RSRC1: variants seen among roughly 807,000 people sequenced by gnomAD.
The protein encoded by RSRC1 is arginine and serine rich coiled-coil 1.
Under a neutral mutation model 49.1 loss-of-function variants are expected in RSRC1, and 39 were observed. The observed-to-expected ratio is 0.79, with a 90% CI of 0.61 to 1.04. The LOEUF is 1.04. Ranked by LOEUF, RSRC1 falls within the 50% of genes least tolerant of loss-of-function variation. RSRC1 has a pLI of 0.00. For missense variants in RSRC1, 388 were observed against 402.4 expected, an observed-to-expected ratio of 0.96 and a Z score of 0.31; for synonymous variants, 143 against 130.8, an observed-to-expected ratio of 1.09 and a Z score of -0.63.
At chr3:158,167,549 T>C (rs1292075785) in intron 3 of RSRC1, among the ~76,000 whole-genome samples, 2 of 152,196 alleles carry the variant, frequency 1.3e-5, no homozygotes, top group African/African-American at 4.8e-5. Context: ...GTGAGGCACT[T>C]ATTGCTAAAC....
At chr3:158,112,532 C>T (rs977039363) in intron 1 of RSRC1, among the ~76,000 whole-genome samples, 1 of 152,036 alleles carries the variant, frequency 6.6e-6, no homozygotes, top group African/African-American at 2.4e-5. Context: ...ATATGGTGAC[C>T]TTTTGCTTTC....
At position 158,283,261 on chromosome 3, in the gene RSRC1, T is replaced by C. The variant is rs535656866; in HGVS notation, c.495-14778T>C. Among the ~76,000 whole-genome samples, 6 of 152,268 alleles carry C rather than the reference T, an allele frequency of 3.9e-5. No individual in the cohort carries two copies. The South Asian group carries it at 1.2e-3, about 32-fold the overall frequency. Reference sequence around the variant, plus strand: ...AGCTGAATGTAGACCCAGAATAATATACTACTCAATAAAGCTGCTGTGAGG... The same window carrying C: ...AGCTGAATGTAGACCCAGAATAATACACTACTCAATAAAGCTGCTGTGAGG... On this transcript the variant is annotated intron_variant, in intron 4 of 9. Coordinates refer to ENST00000611884, the MANE Select transcript of RSRC1 (RefSeq NM_001271838.2).
chr3:158,237,398 T>C (rs1723304033), intron 4 of RSRC1, among the ~76,000 whole-genome samples: 1 of 152,222 alleles, frequency 6.6e-6, no homozygotes, highest in Non-Finnish European at 1.5e-5. Flanking sequence ...TATGTTTCAT[T>C]GCTAAATGTT....
chr3:158,326,107 T>C (rs1441627619), intron 5 of RSRC1, among the ~76,000 whole-genome samples: 3 of 152,200 alleles, frequency 2.0e-5, no homozygotes, highest in African/African-American at 7.2e-5. Flanking sequence ...TGAAGTTGCT[T>C]ATCAGCTTAA....
chr3:158,153,926 A>G (rs1233652959), intron 3 of RSRC1, among the ~76,000 whole-genome samples: 1 of 152,194 alleles, frequency 6.6e-6, no homozygotes, highest in Non-Finnish European at 1.5e-5. Flanking sequence ...TGAGACTGGG[A>G]TACATGTATG....
At chr3:158,125,445 T>C (rs1383366830) in intron 3 of RSRC1, among the ~76,000 whole-genome samples, 1 of 152,168 alleles carries the variant, frequency 6.6e-6, no homozygotes, top group Non-Finnish European at 1.5e-5. Context: ...AAAGGTATTT[T>C]CTAATTTCTC....
intron 4 of RSRC1, among the ~76,000 whole-genome samples, chr3:158,260,980 A>G (rs1212573167): frequency 2.6e-5 from 4 of 152,058 alleles, no homozygotes; most frequent in Admixed American, 6.6e-5. Context: ...TGATTTTCCT[A>G]TTCTCTTCAG....
intron 6 of RSRC1, among the ~76,000 whole-genome samples, chr3:158,437,837 G>A (rs563440132): frequency 4.0e-4 from 61 of 152,190 alleles, no homozygotes; most frequent in African/African-American, 1.1e-3. Context: ...GCAAAAGAAA[G>A]AAATAAAGGG....
intron 6 of RSRC1, among the ~76,000 whole-genome samples, chr3:158,455,755 G>A (rs1466621333): frequency 1.3e-5 from 2 of 151,892 alleles, no homozygotes; most frequent in Admixed American, 6.6e-5. Flanking sequence ...CGAGACAAGC[G>A]GATCACCTGA....
At chr3:158,319,344 C>T (rs542168056) in intron 5 of RSRC1, among the ~76,000 whole-genome samples, 2 of 152,300 alleles carry the variant, frequency 1.3e-5, no homozygotes, top group South Asian at 4.2e-4. Context: ...GCTTTCCTTT[C>T]ACCTTTTGCT....
intron 4 of RSRC1, among the ~76,000 whole-genome samples, chr3:158,246,231 A>G (rs910246166): frequency 7.5e-6 from 1 of 133,296 alleles, no homozygotes; most frequent in Non-Finnish European, 1.6e-5. Context: ...GGAACATCAC[A>G]CACCAGGGCC....
At chr3:158,298,913 A>G (rs1727382217) in intron 5 of RSRC1, among the ~76,000 whole-genome samples, 1 of 152,196 alleles carries the variant, frequency 6.6e-6, no homozygotes. Flanking sequence ...TTCTGCTTCC[A>G]CAAAAGCAAA....
intron 7 of RSRC1, among the ~76,000 whole-genome samples, chr3:158,503,946 C>T (rs1156368972): frequency 3.9e-5 from 6 of 152,146 alleles, no homozygotes; most frequent in Non-Finnish European, 5.9e-5. Flanking sequence ...TTTCCTTCTC[C>T]CTGTGGTGTT....
chr3:158,235,788 T>G (rs1466664989), intron 4 of RSRC1, among the ~76,000 whole-genome samples: 1 of 152,108 alleles, frequency 6.6e-6, no homozygotes, highest in East Asian at 1.9e-4. Context: ...ATGCAAAAAG[T>G]ATAAATAGAA....
intron 5 of RSRC1, among the ~76,000 whole-genome samples, chr3:158,335,207 A>G (rs1038814583): frequency 3.3e-5 from 5 of 152,198 alleles, no homozygotes; most frequent in African/African-American, 1.2e-4. Flanking sequence ...TATTCTGTAG[A>G]TTGTGAAGCA....
chr3:158,207,334 G>A (rs939938389), intron 4 of RSRC1, among the ~76,000 whole-genome samples: 2 of 151,894 alleles, frequency 1.3e-5, no homozygotes, highest in Non-Finnish European at 2.9e-5. Flanking sequence ...CTCTCTCTTC[G>A]TTCTTACTTT....
At chr3:158,531,202 T>C (rs933574686) in intron 7 of RSRC1, among the ~76,000 whole-genome samples, 14 of 151,622 alleles carry the variant, frequency 9.2e-5, no homozygotes, top group African/African-American at 2.9e-4. Context: ...AGGCAGCATA[T>C]GCTAAAAGCC....
rs543391634 is a variant in RSRC1 at position 158,379,809 on chromosome 3, C to T, written c.583+24901C>T. Among the ~76,000 whole-genome samples the T allele has an allele frequency of 3.6e-5, 5 of 138,906 alleles. No individual in the cohort carries two copies. In the South Asian group the frequency reaches 7.7e-4, roughly 21 times the overall value. The allele number at this position is 138,906 out of a possible 152,430, so 91.1% of individuals were successfully genotyped here. A position where few individuals can be genotyped will look rare whatever the true frequency, so the allele number is the denominator to read the frequency against. On this transcript the variant is annotated intron_variant, in intron 6 of 9. Coordinates refer to ENST00000611884, the MANE Select transcript of RSRC1 (RefSeq NM_001271838.2). ...CCCTACACATACATACAAACACACG[C>T]GCATGCACACACACACACACACACA...
intron 4 of RSRC1, among the ~76,000 whole-genome samples, chr3:158,239,391 C>T (rs758202023): frequency 1.3e-5 from 2 of 152,160 alleles, no homozygotes; most frequent in African/African-American, 4.8e-5. Flanking sequence ...AATCATGCTA[C>T]TATAAAGACC....
Sources: allele counts gnomAD v4.1 joint callset (sites outside exome capture counted in the v4.1 genomes callset), GRCh38; gene constraint gnomAD v4.1.1; transcripts MANE v1.5; gene names NCBI Gene and HGNC (gene_info 2026-07-23, HGNC 2026-07-21).